Variants in HDAC9 observed in about 807,000 individuals in gnomAD.
HDAC9 encodes the protein MEF-2 interacting transcription repressor (MITR) protein.
In HDAC9, 41 loss-of-function variants were observed where a neutral mutation model predicts 139.4. That is an observed-to-expected ratio of 0.29 (90% CI 0.23 to 0.38). The LOEUF (loss-of-function observed/expected upper bound fraction) is 0.38, where lower values mean the gene tolerates loss of function less well. Ranked by LOEUF, HDAC9 falls within the 10% of genes least tolerant of loss-of-function variation. The pLI is 1.00. For synonymous variants in HDAC9, 517 were observed against 476.2 expected (o/e 1.09, Z -1.12); for missense variants, 1,147 against 1,297.0 (o/e 0.88, Z 1.78).
intron 16 of HDAC9, among the ~76,000 whole-genome samples, chr7:18,777,912 T>G (rs1790917289): frequency 6.6e-6 from 1 of 151,902 alleles, no homozygotes; most frequent in Non-Finnish European, 1.5e-5. Flanking sequence ...ACACAAACCT[T>G]CCAATGATAA....
chr7:18,165,180 G>A (rs1286488127), intron 2 of HDAC9, among the ~76,000 whole-genome samples: 1 of 152,120 alleles, frequency 6.6e-6, no homozygotes, highest in East Asian at 1.9e-4. Context: ...GACTTATCTA[G>A]CATTTTCAAA....
chr7:18,928,655 T>C (rs1804449100), intron 22 of HDAC9, among the ~76,000 whole-genome samples: 1 of 152,188 alleles, frequency 6.6e-6, no homozygotes, highest in African/African-American at 2.4e-5. Flanking sequence ...ACATGAAAAA[T>C]GTATCCACTA....
chr7:18,262,484 A>G (rs1030729977), intron 2 of HDAC9, among the ~76,000 whole-genome samples: 6 of 152,212 alleles, frequency 3.9e-5, no homozygotes, highest in Non-Finnish European at 5.9e-5. Context: ...AGAAATACCA[A>G]TGGAAGTCCT....
chr7:18,994,753 T>G (rs779462634), intron 25 of HDAC9, among the ~76,000 whole-genome samples: 7 of 152,192 alleles, frequency 4.6e-5, no homozygotes, highest in Non-Finnish European at 8.8e-5. Context: ...AATCTTGGCT[T>G]TTTTTCTTAT....
rs183625524 is a variant in HDAC9 at position 18,754,691 on chromosome 7, C to T, written c.2043+5553C>T. Among the ~76,000 whole-genome samples, 175 of 152,156 alleles carry T rather than the reference C, an allele frequency of 1.2e-3. 1 individual carries two copies. The highest frequency in any genetic ancestry group is 2.2e-3 in the Admixed American group (34 of 15,234). On this transcript the variant is annotated intron_variant, in intron 14 of 25. Transcript: ENST00000686413. ...AAGTAATTACAAAACAATTCTGGGACGCAAAACCAAGCTACTGTTGTCCCT... is the reference window on the plus strand; with the variant it reads ...AAGTAATTACAAAACAATTCTGGGATGCAAAACCAAGCTACTGTTGTCCCT...
At chr7:18,117,318 C>G (rs888825692) in intron 1 of HDAC9, among the ~76,000 whole-genome samples, 3 of 151,722 alleles carry the variant, frequency 2.0e-5, no homozygotes, top group African/African-American at 7.3e-5. Context: ...AACCCCATCT[C>G]TACAAAAAAT....
At chr7:18,094,928 G>C (rs998486122) in intron 1 of HDAC9, among the ~76,000 whole-genome samples, 1 of 152,088 alleles carries the variant, frequency 6.6e-6, no homozygotes, top group Non-Finnish European at 1.5e-5. Flanking sequence ...AGAGAAATAA[G>C]TACATTTCAG....
At chr7:18,252,132 G>T (rs1263790679) in intron 2 of HDAC9, among the ~76,000 whole-genome samples, 2 of 152,196 alleles carry the variant, frequency 1.3e-5, no homozygotes, top group African/African-American at 2.4e-5. Context: ...CTGCCTTCAT[G>T]AAGTTAGCAT....
chr7:18,574,889 C>A (rs530927285), intron 2 of HDAC9, among the ~76,000 whole-genome samples: 1 of 152,320 alleles, frequency 6.6e-6, no homozygotes, highest in African/African-American at 2.4e-5. Flanking sequence ...CTACCAGGTC[C>A]CCGACTGTGC....
intron 21 of HDAC9, among the ~76,000 whole-genome samples, chr7:18,852,210 A>C (rs1433070937): frequency 6.6e-6 from 1 of 152,204 alleles, no homozygotes; most frequent in Non-Finnish European, 1.5e-5. Context: ...AGAAGCATGT[A>C]ACAGTCGGGG....
At position 18,758,521 on chromosome 7, in the gene HDAC9, A is replaced by G. The variant is rs118162465; in HGVS notation, c.2044-3636A>G. ...ATATTTAAGCCTACACAAATAAAAT[A>G]CTAAATTACTGATGGCAATACCAGA... On this transcript the variant is annotated intron_variant, in intron 14 of 25. Coordinates refer to ENST00000686413, the MANE Select transcript of HDAC9 (RefSeq NM_178425.4). 4.0e-4 allele frequency among the ~76,000 whole-genome samples: 61 copies of G among 152,360 alleles called. 1 individual carries two copies. The East Asian group carries it at 9.6e-3, about 24-fold the overall frequency.
At chr7:18,392,311 T>TCACACACACA (rs1448388852) in intron 1 of HDAC9, among the ~76,000 whole-genome samples, 5 of 124,520 alleles carry the variant, frequency 4.0e-5, no homozygotes, top group African/African-American at 1.4e-4. Context: ...TCTCTCTCTC[T>TCACACACACA]CTCTCACACA....
chr7:18,180,374 C>T (rs1789324749), intron 2 of HDAC9, among the ~76,000 whole-genome samples: 1 of 151,744 alleles, frequency 6.6e-6, no homozygotes, highest in South Asian at 2.1e-4. Context: ...GTGCTAGCAA[C>T]TTTGTTTTGT....
intron 1 of HDAC9, among the ~76,000 whole-genome samples, chr7:18,392,674 TGTTA>T (rs1786643677): frequency 6.6e-6 from 1 of 152,022 alleles, no homozygotes; most frequent in Admixed American, 6.6e-5. Context: ...TTATTGATAT[TGTTA>T]GTATTTTACC....
chr7:18,182,064 G>A (rs925410495), intron 2 of HDAC9, among the ~76,000 whole-genome samples: 7 of 152,126 alleles, frequency 4.6e-5, no homozygotes, highest in Non-Finnish European at 8.8e-5. Context: ...TCTGGAGTAG[G>A]GGAAAAGGTG....
chr7:18,249,501 TCAAAAAAAAAAAAAAAAAAAAA>T (rs1794778353), intron 2 of HDAC9, among the ~76,000 whole-genome samples: 1 of 45,948 alleles, frequency 2.2e-5, no homozygotes, highest in Non-Finnish European at 3.6e-5. Flanking sequence ...AGACTCTGTC[TCAAAAAAAAAAAAAAAAAAAAA>T]CAAAAAAAAA....
chr7:18,628,258 G>A lies in HDAC9; in HGVS notation c.665-1092G>A, dbSNP rs559899822. Among the ~76,000 whole-genome samples the A allele has an allele frequency of 1.4e-3, 209 of 152,138 alleles. 3 individuals are homozygous for A. The highest frequency in any genetic ancestry group is 4.9e-3 in the African/African-American group (202 of 41,504). On this transcript the variant is annotated intron_variant, in intron 6 of 25. Coordinates refer to ENST00000686413, the MANE Select transcript of HDAC9 (RefSeq NM_178425.4). ...CCAGACTACCTGGGTACAGAGCCTG[G>A]CTTCATCTCCTTTTACCTCTGTAAC...
At chr7:18,810,776 G>C (rs1011085262) in intron 17 of HDAC9, among the ~76,000 whole-genome samples, 4 of 151,802 alleles carry the variant, frequency 2.6e-5, no homozygotes, top group Non-Finnish European at 5.9e-5. Flanking sequence ...AGAGTATGTG[G>C]TCTTTTCTAT....
intron 2 of HDAC9, among the ~76,000 whole-genome samples, chr7:18,169,917 C>T (rs542862988): frequency 3.3e-5 from 5 of 152,206 alleles, no homozygotes; most frequent in Non-Finnish European, 5.9e-5. Flanking sequence ...CCGCAATAAA[C>T]ATACATGTGC....
Sources: gnomAD v4.1 joint callset for allele counts (sites outside exome capture counted in the v4.1 genomes callset) on GRCh38, gnomAD v4.1.1 for gene constraint, MANE v1.5 for transcripts, NCBI Gene and HGNC (gene_info 2026-07-23, HGNC 2026-07-21) for gene names.